CELF2: variants seen among roughly 807,000 people sequenced by gnomAD.
CELF2 encodes the protein CUGBP Elav-like family member 2.
CELF2 carries 8 observed loss-of-function variants against 62.6 expected under a neutral mutation model. That is an observed-to-expected ratio of 0.13 (90% CI 0.07 to 0.23). The LOEUF is 0.23. Ranked by LOEUF, CELF2 falls within the 10% of genes least tolerant of loss-of-function variation. The probability of loss-of-function intolerance (pLI) is 1.00; values close to 1 mark genes in which losing one functional copy is unlikely to be tolerated. For missense variants in CELF2, 333 were observed against 671.0 expected (o/e 0.50, Z 5.56); for synonymous variants, 258 against 250.0 (o/e 1.03, Z -0.30).
the CELF2 span, among the ~76,000 whole-genome samples, chr10:10,633,873 A>C: frequency 6.6e-6 from 1 of 151,950 alleles, no homozygotes; most frequent in Non-Finnish European, 1.5e-5. Context: ...TATGACCAAG[A>C]TACCATTTTG....
rs937045649 is a variant in CELF2, at chr10:11,242,008, A to G, written c.355-7145A>G. ...GATTTTTGTGTTGTCATGGAATGAA[A>G]GAAAAATACCAGTGGGTCTTTACTG... On this transcript the variant is annotated intron_variant, in intron 3 of 12. Coordinates refer to ENST00000633077, the MANE Select transcript of CELF2 (RefSeq NM_001326342.2). This position sits in a 1 kb window ranked among gnomAD's most constrained non-coding sequence, Gnocchi z 4.8. Among the ~76,000 whole-genome samples the G allele has an allele frequency of 6.6e-6, 1 of 152,232 alleles. No individual in the cohort carries two copies. The highest frequency in any genetic ancestry group is 6.5e-5 in the Admixed American group (1 of 15,290).
intron 2 of CELF2, among the ~76,000 whole-genome samples, chr10:11,210,834 A>T (rs2061610380): frequency 6.6e-6 from 1 of 152,130 alleles, no homozygotes; most frequent in Admixed American, 6.5e-5. Context: ...AACTCAACTC[A>T]CTGTCCTCCT....
intron 1 of CELF2, among the ~76,000 whole-genome samples, chr10:11,061,249 G>T (rs1459157569): frequency 6.6e-6 from 1 of 152,194 alleles, no homozygotes; most frequent in African/African-American, 2.4e-5. Flanking sequence ...AATTGAAGTG[G>T]TCTGGATAGA....
chr10:10,748,592 C>G, the CELF2 span, among the ~76,000 whole-genome samples: 49 of 151,610 alleles, frequency 3.2e-4, no homozygotes, highest in African/African-American at 1.1e-3. Context: ...ACTAAAAATA[C>G]AAAAAAGTAG....
chr10:10,824,008 A>G (rs945720806), intron 1 of CELF2, among the ~76,000 whole-genome samples: 1 of 152,218 alleles, frequency 6.6e-6, no homozygotes, highest in Non-Finnish European at 1.5e-5. Context: ...ATAGATACAT[A>G]GATAAATAGA....
chr10:11,313,426 T>C (rs1394915065), intron 9 of CELF2, among the ~76,000 whole-genome samples: 1 of 152,274 alleles, frequency 6.6e-6, no homozygotes, highest in Non-Finnish European at 1.5e-5. Flanking sequence ...ATTGAAGATA[T>C]TATGAATAAC....
chr10:10,589,755 A>G, the CELF2 span, among the ~76,000 whole-genome samples: 1 of 152,218 alleles, frequency 6.6e-6, no homozygotes, highest in Non-Finnish European at 1.5e-5. Context: ...CAAGACCCAG[A>G]GAAATTAGGC....
At chr10:10,465,669 T>C in the CELF2 span, among the ~76,000 whole-genome samples, 56 of 152,266 alleles carry the variant, frequency 3.7e-4, no homozygotes, top group African/African-American at 1.3e-3. Flanking sequence ...ATAATCTACT[T>C]AGTCCTCTAT....
chr10:10,477,267 G>A, the CELF2 span, among the ~76,000 whole-genome samples: 1 of 152,142 alleles, frequency 6.6e-6, no homozygotes. Context: ...GTTGGGGAGA[G>A]GCATACATTT....
chr10:11,112,513 G>A (rs747722526), intron 1 of CELF2, among the ~76,000 whole-genome samples: 54 of 152,306 alleles, frequency 3.5e-4, no homozygotes, highest in Admixed American at 6.5e-4. Context: ...GACTAGAACC[G>A]TTGGCCAGGC....
chr10:10,546,464 G>T, the CELF2 span, among the ~76,000 whole-genome samples: 22 of 152,242 alleles, frequency 1.4e-4, no homozygotes, highest in African/African-American at 5.3e-4. Context: ...GTTTAAGCCT[G>T]GGACAGTCAG....
chr10:11,068,583 C>T (rs964165561), intron 1 of CELF2, among the ~76,000 whole-genome samples: 1 of 150,262 alleles, frequency 6.7e-6, no homozygotes, highest in South Asian at 2.1e-4. Flanking sequence ...TTTTTTGAGA[C>T]GGAGTCTTGC....
At chr10:11,245,784 G>C (rs967799922) in intron 3 of CELF2, among the ~76,000 whole-genome samples, 7 of 152,208 alleles carry the variant, frequency 4.6e-5, no homozygotes. Context: ...GGATATTGCA[G>C]GTGCCTTTAG....
chr10:11,032,236 AC>A (rs1469466156), intron 1 of CELF2, among the ~76,000 whole-genome samples: 1 of 150,592 alleles, frequency 6.6e-6, no homozygotes, highest in African/African-American at 2.4e-5. Context: ...TGGCTTTGGT[AC>A]CAGAAAACCA....
the CELF2 span, among the ~76,000 whole-genome samples, chr10:10,617,087 C>T: frequency 1.3e-5 from 2 of 152,090 alleles, no homozygotes; most frequent in Non-Finnish European, 2.9e-5. Context: ...TGAAAAAATT[C>T]CTGGATCAGC....
intron 1 of CELF2, among the ~76,000 whole-genome samples, chr10:10,883,639 A>G (rs1242157988): frequency 1.3e-5 from 2 of 152,108 alleles, no homozygotes; most frequent in Admixed American, 6.5e-5. Context: ...ATCCATGGCC[A>G]GTGCTGTTGT....
At chr10:11,304,275 C>T (rs1483615384) in intron 9 of CELF2, among the ~76,000 whole-genome samples, 1 of 152,150 alleles carries the variant, frequency 6.6e-6, no homozygotes, top group Non-Finnish European at 1.5e-5. Flanking sequence ...AGCAAGTCCT[C>T]ATGCTGCCAT....
chr10:10,482,836 G>A, the CELF2 span, among the ~76,000 whole-genome samples: 2 of 152,000 alleles, frequency 1.3e-5, no homozygotes, highest in Non-Finnish European at 2.9e-5. Context: ...GCCCTAAATC[G>A]CTCCAGTGCC....
the CELF2 span, among the ~76,000 whole-genome samples, chr10:10,694,900 G>T: frequency 3.3e-5 from 5 of 150,940 alleles, no homozygotes; most frequent in African/African-American, 1.2e-4. Flanking sequence ...TTGAGCCTAT[G>T]TGTGTCTCTG....
Sources: gnomAD v4.1 joint callset for allele counts (sites outside exome capture counted in the v4.1 genomes callset) on GRCh38, gnomAD v4.1.1 for gene constraint, Gnocchi (gnomAD v3.1) non-coding constraint, MANE v1.5 for transcripts, NCBI Gene and HGNC (gene_info 2026-07-23, HGNC 2026-07-21) for gene names.